The following GK5 variants were observed in gnomAD, a reference collection of about 807,000 sequenced individuals.
The protein encoded by GK5 is ATP:glycerol 3-phosphotransferase 5.
In GK5, 39 loss-of-function variants were observed where a neutral mutation model predicts 77.3. The ratio of observed to expected loss-of-function variants is 0.50; its 90% CI spans 0.39 to 0.66. GK5 has a LOEUF of 0.66. Among genes scored for constraint, GK5 ranks in the 30% least tolerant of loss-of-function variants. The pLI is 0.00. For synonymous variants in GK5, 211 were observed against 208.0 expected (o/e 1.01, Z -0.13); for missense variants, 487 against 633.8 (o/e 0.77, Z 2.49).
intron 4 of GK5, among the ~76,000 whole-genome samples, chr3:142,200,578 T>C (rs1315800348): frequency 6.6e-6 from 1 of 152,202 alleles, no homozygotes; most frequent in Non-Finnish European, 1.5e-5. Context: ...TGATTTGTTA[T>C]AAGAAATAAT....
chr3:142,212,824 A>ATTTTCTTTTTTTT (rs144621759), intron 3 of GK5, among the ~76,000 whole-genome samples: 18 of 129,946 alleles, frequency 1.4e-4, no homozygotes, highest in African/African-American at 2.7e-4. Flanking sequence ...ATAGACAAAT[A>ATTTTCTTTTTTTT]TTTTCTTTTT....
intron 3 of GK5, among the ~76,000 whole-genome samples, chr3:142,212,840 C>CTTTTTTT (rs1187865939): frequency 9.9e-6 from 1 of 101,146 alleles, no homozygotes; most frequent in South Asian, 2.8e-4. Flanking sequence ...TTTTTTTTTT[C>CTTTTTTT]TTTTTTTTTT....
At chr3:142,184,110 A>C (rs1193030720) in intron 9 of GK5, among the ~76,000 whole-genome samples, 1 of 151,454 alleles carries the variant, frequency 6.6e-6, no homozygotes, top group Non-Finnish European at 1.5e-5. Context: ...AAATACAAAA[A>C]ATTAGCCAGG....
chr3:142,206,818 T>C (rs1455644802), intron 3 of GK5, among the ~76,000 whole-genome samples: 1 of 152,224 alleles, frequency 6.6e-6, no homozygotes, highest in Non-Finnish European at 1.5e-5. Flanking sequence ...AATTTTGTTC[T>C]GTGTATAATT....
At chr3:142,205,572 A>G (rs2064093343) in intron 3 of GK5, among the ~76,000 whole-genome samples, 2 of 152,186 alleles carry the variant, frequency 1.3e-5, no homozygotes, top group South Asian at 2.1e-4. Flanking sequence ...AGTTTTCTCA[A>G]TCTTACTCCT....
chr3:142,210,134 CAG>C (rs1045394904), intron 3 of GK5, among the ~76,000 whole-genome samples: 24 of 152,086 alleles, frequency 1.6e-4, no homozygotes, highest in African/African-American at 4.8e-4. Flanking sequence ...TGGTCCCTAA[CAG>C]GGGGATGGGG....
rs532012350 is a variant in GK5, at chr3:142,183,772, A to T, written c.817-723T>A. On this transcript the variant is annotated intron_variant, in intron 9 of 15. Transcript: ENST00000392993. ...ACTGCACCTGGCCATTTCTTTAAAA[A>T]TTTTTTTGTAGAGATGGGGTTTCAC... Among the ~76,000 whole-genome samples, 69 of 151,872 alleles carry T rather than the reference A, an allele frequency of 4.5e-4. 1 individual carries two copies. The South Asian group carries it at 6.3e-3, about 14-fold the overall frequency.
intron 4 of GK5, 159 bp downstream of exon 4, chr3:142,204,536 C>T (rs1205268340): frequency 4.4e-6 from 3 of 686,966 alleles, no homozygotes; most frequent in Non-Finnish European, 8.2e-6. Flanking sequence ...CTACCACATA[C>T]GCCTTTGATT....
intron 10 of GK5, among the ~76,000 whole-genome samples, chr3:142,182,350 ATT>A (rs144059110): frequency 1.0e-4 from 15 of 147,784 alleles, no homozygotes; most frequent in Non-Finnish European, 7.5e-5. Flanking sequence ...TAGTAAGAAG[ATT>A]TTTTTTTTTG....
chr3:142,172,290 A>C, intron 13 of GK5, 63 bp downstream of exon 13: 2 of 764,206 alleles, frequency 2.6e-6, no homozygotes, highest in Non-Finnish European at 4.3e-6. Flanking sequence ...ATTTAGTAGC[A>C]AATTAATGAA....
rs766429397 is a variant in GK5 at position 142,172,443 on chromosome 3, T to A, written c.1157A>T (p.Asp386Val). 1.9e-6 allele frequency: 3 copies of A among 1,584,784 alleles called. No individual in the cohort carries two copies. The highest frequency in any genetic ancestry group is 1.7e-6 in the Non-Finnish European group (2 of 1,157,578). Residue 386 changes from aspartate (D) to valine (V), a missense_variant, in exon 13 of 16, where the codon GAC (aspartate) becomes GTC (valine). By Grantham distance (152) the Asp-to-Val change is radical. Around this residue, in one of 4 missense-constraint regions of GK5, gnomAD observed 323 missense variants for 437.4 expected, o/e 0.74. Coordinates refer to ENST00000392993, the MANE Select transcript of GK5 (RefSeq NM_001039547.3). ...SFSGLQAPLNDPWACASFMGL... is the reference protein window; with the variant it reads ...SFSGLQAPLNVPWACASFMGL... ...CATAAAAGAGGCACATGCCCAGGGG[T>A]CATTTAATGGAGCCTACAGTAAGAG... is the stretch of plus-strand genomic sequence containing the variant.
chr3:142,157,700 A>C lies in GK5; in HGVS notation c.*7922T>G, dbSNP rs2063393117. On this transcript the variant is annotated 3_prime_UTR_variant, in exon 16 of 16. Coordinates refer to ENST00000392993, the MANE Select transcript of GK5 (RefSeq NM_001039547.3). ...TCTCCAGTTATTTATAATCTTTCTAAATATTTTAAAATACAGTATATTTTC... is the reference window on the plus strand; with the variant it reads ...TCTCCAGTTATTTATAATCTTTCTACATATTTTAAAATACAGTATATTTTC... The C allele has an allele frequency of 6.6e-6, 1 of 152,162 alleles. No homozygotes were observed. Among genetic ancestry groups the C allele is most frequent in the Admixed American group, 6.5e-5 (1 of 15,272 alleles). The allele number at this position is 152,162 out of a possible 1,614,324, so 9.4% of individuals were successfully genotyped here. A position where few individuals can be genotyped will look rare whatever the true frequency, so the allele number is the denominator to read the frequency against.
At chr3:142,225,133 G>A (rs1367889021) in intron 1 of GK5, among the ~76,000 whole-genome samples, 176 bp downstream of exon 1, 3 of 152,126 alleles carry the variant, frequency 2.0e-5, no homozygotes, top group Admixed American at 6.5e-5. Context: ...GACGAGGGAG[G>A]GAACGCGAAG....
intron 5 of GK5, among the ~76,000 whole-genome samples, chr3:142,194,312 T>C (rs2063899847): frequency 6.6e-6 from 1 of 151,892 alleles, no homozygotes; most frequent in South Asian, 2.1e-4. Flanking sequence ...GATCACTTAA[T>C]GTCAGGAGTT....
At chr3:142,187,279 G>GAC (rs1378231329) in intron 6 of GK5, among the ~76,000 whole-genome samples, 4 of 151,796 alleles carry the variant, frequency 2.6e-5, no homozygotes, top group Non-Finnish European at 5.9e-5. Flanking sequence ...CCAAAGAGCA[G>GAC]TATGTCTGGA....
rs2063423199 is a variant in GK5 at position 142,161,192 on chromosome 3, A to AG, written c.*4429dup. The AG allele has an allele frequency of 6.6e-6, 1 of 151,896 alleles. No homozygotes were observed. Among genetic ancestry groups the AG allele is most frequent in the Non-Finnish European group, 1.5e-5 (1 of 68,116 alleles). The allele number at this position is 151,896 out of a possible 1,614,324, so 9.4% of individuals were successfully genotyped here. A position where few individuals can be genotyped will look rare whatever the true frequency, so the allele number is the denominator to read the frequency against. On this transcript the variant is annotated 3_prime_UTR_variant, in exon 16 of 16. Transcript: ENST00000392993. ...TCGGCTCAACCGCAACCTCTGCCTC[A>AG]GGGGTTCAAGCGGTTCTCCTGCCTC...
intron 11 of GK5, among the ~76,000 whole-genome samples, chr3:142,180,556 C>T (rs1448476846): frequency 1.3e-5 from 2 of 152,196 alleles, no homozygotes; most frequent in African/African-American, 4.8e-5. Context: ...CGTGCCTCAG[C>T]CCCGCAAAGT....
intron 3 of GK5, among the ~76,000 whole-genome samples, chr3:142,208,260 T>C (rs911644236): frequency 1.3e-5 from 2 of 152,242 alleles, no homozygotes; most frequent in Non-Finnish European, 2.9e-5. Flanking sequence ...TTAGTCATCA[T>C]AAACAAATGA....
chr3:142,175,299 C>A (rs2063593401), intron 12 of GK5, among the ~76,000 whole-genome samples: 1 of 152,146 alleles, frequency 6.6e-6, no homozygotes. Context: ...GTGTATGGCT[C>A]CCACCCTTTC....
Sources: allele counts gnomAD v4.1 joint callset (sites outside exome capture counted in the v4.1 genomes callset), GRCh38; gene constraint gnomAD v4.1.1; regional missense constraint gnomAD v4.1.1; transcripts MANE v1.5; gene names NCBI Gene and HGNC (gene_info 2026-07-23, HGNC 2026-07-21).